Variants in BNC2 observed in about 807,000 individuals in gnomAD.
The protein encoded by BNC2 is basonuclin zinc finger protein 2.
A neutral mutation model predicts 76.3 loss-of-function variants in BNC2; 20 were observed. That is an observed-to-expected ratio of 0.26 (90% confidence interval 0.18 to 0.38). BNC2 has a LOEUF of 0.38. Among genes scored for constraint, BNC2 ranks in the 10% least tolerant of loss-of-function variants. BNC2 has a pLI of 1.00. For missense variants in BNC2, 1,382 were observed against 1,399.8 expected, an observed-to-expected ratio of 0.99 and a Z score of 0.20; for synonymous variants, 582 against 514.8, an observed-to-expected ratio of 1.13 and a Z score of -1.77.
chr9:16,750,666 A>T (rs1025143573), intron 1 of BNC2, among the ~76,000 whole-genome samples: 1 of 152,234 alleles, frequency 6.6e-6, no homozygotes, highest in Non-Finnish European at 1.5e-5. Context: ...AGTATCTCTG[A>T]ATTAGACCGT....
At chr9:16,562,414 C>G (rs565202632) in intron 4 of BNC2, among the ~76,000 whole-genome samples, 1 of 152,162 alleles carries the variant, frequency 6.6e-6, no homozygotes, top group African/African-American at 2.4e-5. Context: ...ATTTTCCTGT[C>G]CCTACAAAAT....
chr9:16,494,466 A>G (rs942162811), intron 5 of BNC2, among the ~76,000 whole-genome samples: 3 of 152,074 alleles, frequency 2.0e-5, no homozygotes, highest in Non-Finnish European at 4.4e-5. Context: ...ATAATTTTTA[A>G]GGAAGAAAAG....
chr9:16,555,343 T>C (rs1364946732), intron 4 of BNC2, among the ~76,000 whole-genome samples: 10 of 151,960 alleles, frequency 6.6e-5, no homozygotes, highest in Admixed American at 2.0e-4. Flanking sequence ...GTTTTAAAGA[T>C]GAAGAGCACT....
intron 4 of BNC2, among the ~76,000 whole-genome samples, chr9:16,581,372 A>G (rs553663675): frequency 1.3e-5 from 2 of 152,304 alleles, no homozygotes; most frequent in South Asian, 4.1e-4. Context: ...AGCCTGGCCA[A>G]CCTGGTGAAA....
At chr9:16,668,565 A>T (rs1310845748) in intron 3 of BNC2, among the ~76,000 whole-genome samples, 22 of 152,234 alleles carry the variant, frequency 1.4e-4, no homozygotes, top group Admixed American at 1.4e-3. Flanking sequence ...GATTAGTTCA[A>T]TGACTAGGCC....
In BNC2 at chr9:16,799,256, A is replaced by AT. The variant is rs975012768; in HGVS notation, c.4-60772dup. On this transcript the variant is annotated intron_variant, in intron 1 of 6. Transcript: ENST00000380672. ...AATATTGACCTATTTCCTTCCAGTC[A>AT]TTTTTTTTCCTGAAAAACATTGTTT... 2.8e-4 allele frequency among the ~76,000 whole-genome samples: 43 copies of AT among 151,924 alleles called. 1 individual carries two copies. The highest frequency in any genetic ancestry group is 7.0e-4 in the African/African-American group (29 of 41,442).
At chr9:16,468,336 G>A (rs1207126646) in intron 5 of BNC2, among the ~76,000 whole-genome samples, 1 of 151,886 alleles carries the variant, frequency 6.6e-6, no homozygotes. Context: ...AATATGTTTT[G>A]AACATTTGTT....
At chr9:16,596,925 T>C (rs1223289158) in intron 3 of BNC2, among the ~76,000 whole-genome samples, 1 of 152,142 alleles carries the variant, frequency 6.6e-6, no homozygotes, top group Non-Finnish European at 1.5e-5. Flanking sequence ...AGGCTGTAAT[T>C]AGAATTCTTA....
At chr9:16,471,914 A>G (rs990196445) in intron 5 of BNC2, among the ~76,000 whole-genome samples, 2 of 152,152 alleles carry the variant, frequency 1.3e-5, no homozygotes, top group Admixed American at 6.5e-5. Context: ...GCAATAGTGA[A>G]TAAGTCTCAC....
chr9:16,776,265 C>A (rs1273825603), intron 1 of BNC2, among the ~76,000 whole-genome samples: 1 of 152,056 alleles, frequency 6.6e-6, no homozygotes, highest in Non-Finnish European at 1.5e-5. Flanking sequence ...CTCAGTCTCC[C>A]AAGTAGCTGG....
intron 5 of BNC2, among the ~76,000 whole-genome samples, chr9:16,548,642 T>C (rs1818563441): frequency 6.6e-6 from 1 of 152,142 alleles, no homozygotes; most frequent in Non-Finnish European, 1.5e-5. Context: ...TGACCTCAAG[T>C]GATCTGCCCG....
At chr9:16,843,589 C>T (rs2136106093) in intron 1 of BNC2, among the ~76,000 whole-genome samples, 1 of 152,354 alleles carries the variant, frequency 6.6e-6, no homozygotes, top group Non-Finnish European at 1.5e-5. Context: ...CCGCCTTGGC[C>T]TCCTGAAGTA....
intron 3 of BNC2, among the ~76,000 whole-genome samples, chr9:16,591,595 C>T (rs564946705): frequency 6.6e-6 from 1 of 152,210 alleles, no homozygotes; most frequent in South Asian, 2.1e-4. Flanking sequence ...ACAGAATTTA[C>T]ATGCTATGAT....
chr9:16,628,631 G>A (rs531748345), intron 3 of BNC2, among the ~76,000 whole-genome samples: 37 of 152,204 alleles, frequency 2.4e-4, no homozygotes, highest in African/African-American at 8.7e-4. Flanking sequence ...AAACACACAC[G>A]CAGAGCAATT....
intron 5 of BNC2, among the ~76,000 whole-genome samples, chr9:16,503,872 C>T (rs927250281): frequency 6.6e-6 from 1 of 152,058 alleles, no homozygotes; most frequent in East Asian, 1.9e-4. Context: ...TTCAACATGC[C>T]AATAAACCCA....
At chr9:16,779,015 C>T (rs1192506766) in intron 1 of BNC2, among the ~76,000 whole-genome samples, 1 of 150,114 alleles carries the variant, frequency 6.7e-6, no homozygotes, top group Non-Finnish European at 1.5e-5. Context: ...TGTCAGACTC[C>T]TGCCTGTAAT....
intron 5 of BNC2, among the ~76,000 whole-genome samples, chr9:16,544,965 A>G (rs1479557819): frequency 6.6e-6 from 1 of 152,212 alleles, no homozygotes; most frequent in Non-Finnish European, 1.5e-5. Flanking sequence ...ACCTTTATAG[A>G]TGAAGAAACT....
intron 5 of BNC2, among the ~76,000 whole-genome samples, chr9:16,496,710 G>A (rs191115722): frequency 6.6e-6 from 1 of 152,116 alleles, no homozygotes; most frequent in Non-Finnish European, 1.5e-5. Flanking sequence ...CAGGAGCAGG[G>A]GATCCATATC....
chr9:16,585,200 GGATTT>G (rs1457075818), intron 3 of BNC2, among the ~76,000 whole-genome samples: 7 of 151,952 alleles, frequency 4.6e-5, no homozygotes, highest in Admixed American at 3.9e-4. Context: ...AACAGACTGT[GGATTT>G]GATTTATTTT....
Sources: allele counts gnomAD v4.1 joint callset (sites outside exome capture counted in the v4.1 genomes callset), GRCh38; gene constraint gnomAD v4.1.1; transcripts MANE v1.5; gene names NCBI Gene and HGNC (gene_info 2026-07-23, HGNC 2026-07-21).